SUCLG2: variants seen among roughly 807,000 people sequenced by gnomAD.
SUCLG2 encodes the protein succinate-CoA ligase GDP-forming subunit beta.
In SUCLG2, 42 loss-of-function variants were observed where a neutral mutation model predicts 47.9. The observed-to-expected ratio is 0.88, with a 90% CI of 0.69 to 1.14. The LOEUF is 1.14. Ranked by LOEUF, SUCLG2 falls within the 50% of genes most tolerant of loss-of-function variation. SUCLG2 has a pLI of 0.00. For synonymous variants in SUCLG2, 195 were observed against 197.3 expected, an observed-to-expected ratio of 0.99 and a Z score of 0.10; for missense variants, 571 against 525.9, an observed-to-expected ratio of 1.09 and a Z score of -0.84.
At chr3:67,599,464 A>T (rs1708366804) in intron 2 of SUCLG2, among the ~76,000 whole-genome samples, 2 of 152,200 alleles carry the variant, frequency 1.3e-5, no homozygotes, top group South Asian at 4.1e-4. Flanking sequence ...ATTCTGAGCA[A>T]GAGTGTCTCA....
chr3:67,625,968 G>T (rs1700819351), intron 1 of SUCLG2, among the ~76,000 whole-genome samples: 1 of 152,046 alleles, frequency 6.6e-6, no homozygotes, highest in Admixed American at 6.6e-5. Flanking sequence ...ACAGTCAAAA[G>T]AGCATAGGAC....
intron 2 of SUCLG2, among the ~76,000 whole-genome samples, chr3:67,566,441 T>A (rs569004263): frequency 6.6e-6 from 1 of 152,284 alleles, no homozygotes; most frequent in South Asian, 2.1e-4. Context: ...TAATCAAAAT[T>A]TTGTGAAATA....
Position 67,568,886 on chromosome 3 carries a change from C to CA in SUCLG2, c.227-39701dup, listed in dbSNP as rs1056101323. 3.8e-4 allele frequency among the ~76,000 whole-genome samples: 57 copies of CA among 151,208 alleles called. No individual in the cohort carries two copies. The South Asian group carries it at 6.9e-3, about 18-fold the overall frequency. ...TGGGCGACAGAGCGAGACTCCGTCTCAAAAAAAATAAAATAAAATAAAATA... is the reference window on the plus strand; with the variant it reads ...TGGGCGACAGAGCGAGACTCCGTCTCAAAAAAAAATAAAATAAAATAAAATA... On this transcript the variant is annotated intron_variant, in intron 2 of 10. Transcript: ENST00000307227.
At chr3:67,409,371 A>G (rs1359876022) in intron 9 of SUCLG2, among the ~76,000 whole-genome samples, 1 of 152,170 alleles carries the variant, frequency 6.6e-6, no homozygotes, top group Non-Finnish European at 1.5e-5. Flanking sequence ...TAAAAATTCT[A>G]ATGGTGAGAC....
At chr3:67,606,373 G>A (rs1700419843) in intron 2 of SUCLG2, among the ~76,000 whole-genome samples, 1 of 152,192 alleles carries the variant, frequency 6.6e-6, no homozygotes, top group Non-Finnish European at 1.5e-5. Context: ...CCTAAGAGGG[G>A]TGAGGGGAGT....
At chr3:67,420,149 A>C (rs919158833) in intron 9 of SUCLG2, among the ~76,000 whole-genome samples, 1 of 152,202 alleles carries the variant, frequency 6.6e-6, no homozygotes, top group Non-Finnish European at 1.5e-5. Flanking sequence ...AAATGGGGAA[A>C]ATGGACTTGG....
chr3:67,644,667 T>C lies in SUCLG2; in HGVS notation c.84+9836A>G, dbSNP rs1575840406. The stretch of plus-strand genomic sequence containing the variant: ...TTAAAATGGTCAATTTTATGTCATG[T>C]ATATTTTACTACAATAATAAATATA... On this transcript the variant is annotated intron_variant, in intron 1 of 10. Coordinates refer to ENST00000307227, the MANE Select transcript of SUCLG2 (RefSeq NM_003848.4). Among the ~76,000 whole-genome samples, 3 of 152,044 alleles carry C rather than the reference T, an allele frequency of 2.0e-5. No homozygotes were observed. The East Asian group carries it at 5.8e-4, about 29-fold the overall frequency.
chr3:67,648,130 C>A (rs1280382160), intron 1 of SUCLG2, among the ~76,000 whole-genome samples: 2 of 152,224 alleles, frequency 1.3e-5, no homozygotes, highest in African/African-American at 2.4e-5. Context: ...GCAAATGATC[C>A]CCTTTTCAAG....
At chr3:67,637,325 C>T (rs187013418) in intron 1 of SUCLG2, among the ~76,000 whole-genome samples, 1 of 152,222 alleles carries the variant, frequency 6.6e-6, no homozygotes, top group African/African-American at 2.4e-5. Flanking sequence ...CCTTTTGAAA[C>T]CAACCAGGAG....
chr3:67,621,632 T>C (rs1425856317), intron 1 of SUCLG2, among the ~76,000 whole-genome samples: 2 of 152,134 alleles, frequency 1.3e-5, no homozygotes, highest in Non-Finnish European at 2.9e-5. Context: ...AATGGGTTAA[T>C]GGATTATCAT....
intron 1 of SUCLG2, among the ~76,000 whole-genome samples, chr3:67,609,858 C>T (rs1221423430): frequency 6.6e-6 from 1 of 152,160 alleles, no homozygotes; most frequent in African/African-American, 2.4e-5. Context: ...ATCTAGTTAA[C>T]AGTAATACAC....
At chr3:67,590,418 G>A (rs1160291741) in intron 2 of SUCLG2, among the ~76,000 whole-genome samples, 2 of 152,086 alleles carry the variant, frequency 1.3e-5, no homozygotes, top group Non-Finnish European at 2.9e-5. Context: ...CAATGTTGGA[G>A]GTGGGAGCTG....
intron 2 of SUCLG2, among the ~76,000 whole-genome samples, chr3:67,539,271 G>A (rs149133626): frequency 1.0e-3 from 152 of 152,182 alleles, no homozygotes; most frequent in Admixed American, 2.2e-3. Flanking sequence ...AGCACGAACC[G>A]GTGTTGATTT....
At chr3:67,497,446 C>T (rs977110870) in intron 8 of SUCLG2, among the ~76,000 whole-genome samples, 1 of 152,108 alleles carries the variant, frequency 6.6e-6, no homozygotes, top group Admixed American at 6.6e-5. Context: ...TACAGACATT[C>T]TTATCTCAGC....
At chr3:67,627,189 T>C (rs1019890764) in intron 1 of SUCLG2, among the ~76,000 whole-genome samples, 3 of 150,604 alleles carry the variant, frequency 2.0e-5, no homozygotes, top group Non-Finnish European at 4.4e-5. Flanking sequence ...TCTGAGGAGC[T>C]TGACCATTAA....
intron 9 of SUCLG2, among the ~76,000 whole-genome samples, chr3:67,442,932 T>A (rs1703807463): frequency 6.6e-6 from 1 of 152,104 alleles, no homozygotes; most frequent in South Asian, 2.1e-4. Context: ...AATAATACAA[T>A]CAGCTCTCCC....
chr3:67,528,268 T>C (rs1454184154), intron 3 of SUCLG2, 46 bp from the exon 4 acceptor site: 2 of 1,564,968 alleles, frequency 1.3e-6, no homozygotes, highest in South Asian at 2.2e-5. Flanking sequence ...TTGTTGAAAA[T>C]CATTTAAATG....
chr3:67,555,566 A>G (rs1444007568), intron 2 of SUCLG2, among the ~76,000 whole-genome samples: 1 of 152,196 alleles, frequency 6.6e-6, no homozygotes, highest in East Asian at 1.9e-4. Flanking sequence ...CAAAAAAGGG[A>G]TAAGTTGACA....
intron 9 of SUCLG2, among the ~76,000 whole-genome samples, chr3:67,413,395 T>C (rs1219847629): frequency 6.6e-6 from 1 of 152,210 alleles, no homozygotes; most frequent in Non-Finnish European, 1.5e-5. Flanking sequence ...TTCCAGTCTG[T>C]CTAAAGAAGG....
Sources: allele counts gnomAD v4.1 joint callset (sites outside exome capture counted in the v4.1 genomes callset), GRCh38; gene constraint gnomAD v4.1.1; transcripts MANE v1.5; gene names NCBI Gene and HGNC (gene_info 2026-07-23, HGNC 2026-07-21).